The following TM9SF2 variants were observed in gnomAD, a reference collection of about 807,000 sequenced individuals.
TM9SF2 encodes the protein transmembrane 9 superfamily member 2.
In TM9SF2, 13 loss-of-function variants were observed where a neutral mutation model predicts 84.9. The ratio of observed to expected loss-of-function variants is 0.15; its 90% confidence interval spans 0.10 to 0.24. The LOEUF (loss-of-function observed/expected upper bound fraction) is 0.24. TM9SF2 is among the 10% of genes least tolerant of loss of function. The pLI, the probability that TM9SF2 is intolerant of heterozygous loss-of-function variation, is 1.00. For missense variants in TM9SF2, 562 were observed against 818.5 expected, an observed-to-expected ratio of 0.69 and a Z score of 3.82; for synonymous variants, 273 against 285.8, an observed-to-expected ratio of 0.96 and a Z score of 0.45.
chr13:99,513,218 A>C (rs776092425), intron 1 of TM9SF2, among the ~76,000 whole-genome samples: 3 of 152,236 alleles, frequency 2.0e-5, no homozygotes, highest in Non-Finnish European at 2.9e-5. Flanking sequence ...TGAAACTTTA[A>C]CATGTAAATC....
rs2046248981 is a variant in TM9SF2 at position 99,539,457 on chromosome 13, C to G, written c.728C>G (p.Thr243Ser). ...AKLEPKSFKH[T>S]HIDKPDCSGP... ...GTTTCTTCCCACAGCTTCAAACATA[C>G]CCATATAGATAAACCAGACTGCTCA... is the stretch of plus-strand genomic sequence containing the variant. The change falls in exon 7 of 17, where the codon ACC becomes AGC. Residue 243 changes from threonine (T) to serine (S), a missense_variant. Around this residue, in one of 4 missense-constraint regions of TM9SF2, gnomAD observed 267 missense variants for 316.7 expected, o/e 0.84. Coordinates refer to ENST00000376387, the MANE Select transcript of TM9SF2 (RefSeq NM_004800.3). The G allele has an allele frequency of 1.2e-6, 2 of 1,609,476 alleles. No individual in the cohort carries two copies. Among genetic ancestry groups the G allele is most frequent in the Admixed American group, 1.7e-5 (1 of 59,964 alleles).
At chr13:99,506,264 T>G (rs1371888215) in intron 1 of TM9SF2, among the ~76,000 whole-genome samples, 1 of 152,216 alleles carries the variant, frequency 6.6e-6, no homozygotes, top group African/African-American at 2.4e-5. Context: ...TAGAAGTAGT[T>G]TGAAGATTTT....
intron 1 of TM9SF2, among the ~76,000 whole-genome samples, chr13:99,504,081 T>G (rs1191111570): frequency 6.6e-6 from 1 of 152,252 alleles, no homozygotes; most frequent in Non-Finnish European, 1.5e-5. Flanking sequence ...TGAAATACAC[T>G]TTAATATTTA....
At chr13:99,521,658 A>C (rs953943985) in intron 3 of TM9SF2, among the ~76,000 whole-genome samples, 3 of 152,138 alleles carry the variant, frequency 2.0e-5, no homozygotes, top group Non-Finnish European at 4.4e-5. Flanking sequence ...ATCCACTACA[A>C]GTTGATTGGT....
chr13:99,556,015 C>T (rs949220611), intron 15 of TM9SF2, among the ~76,000 whole-genome samples: 1 of 151,748 alleles, frequency 6.6e-6, no homozygotes, highest in African/African-American at 2.4e-5. Context: ...AAATTTTAGA[C>T]TGAAAATTTA....
intron 3 of TM9SF2, among the ~76,000 whole-genome samples, chr13:99,525,852 G>A (rs1181213270): frequency 1.3e-5 from 2 of 152,202 alleles, no homozygotes; most frequent in African/African-American, 4.8e-5. Flanking sequence ...ACCGCGCCCG[G>A]CCAGGAGGAC....
intron 4 of TM9SF2, among the ~76,000 whole-genome samples, chr13:99,530,710 C>T (rs1372012330): frequency 2.0e-5 from 3 of 152,114 alleles, no homozygotes; most frequent in South Asian, 2.1e-4. Context: ...TCAAATAAAA[C>T]GCTTACATTT....
intron 15 of TM9SF2, among the ~76,000 whole-genome samples, chr13:99,557,864 C>G (rs1445403357): frequency 6.6e-6 from 1 of 150,470 alleles, no homozygotes; most frequent in Non-Finnish European, 1.5e-5. Flanking sequence ...ACCCTGTCTC[C>G]TACCCCACCC....
At chr13:99,562,560 T>C (rs758567581) in intron 16 of TM9SF2, 131 bp from the exon 17 acceptor site, 31 of 716,760 alleles carry the variant, frequency 4.3e-5, no homozygotes, top group South Asian at 1.3e-4. Flanking sequence ...AGATCTGTAG[T>C]ATATTCCCGG....
chr13:99,525,928 A>T (rs1295819899), intron 3 of TM9SF2, among the ~76,000 whole-genome samples: 1 of 152,130 alleles, frequency 6.6e-6, no homozygotes, highest in African/African-American at 2.4e-5. Flanking sequence ...GGGAAAAGTG[A>T]TGATTTAGGA....
intron 7 of TM9SF2, among the ~76,000 whole-genome samples, chr13:99,539,983 C>G (rs540434273): frequency 9.0e-4 from 137 of 152,290 alleles, no homozygotes; most frequent in Non-Finnish European, 1.3e-3. Flanking sequence ...AACGAAGTTT[C>G]TTAAAATGCA....
intron 3 of TM9SF2, 66 bp downstream of exon 3, chr13:99,520,195 C>T (rs2046153359): frequency 5.2e-6 from 7 of 1,350,242 alleles, no homozygotes; most frequent in Non-Finnish European, 7.2e-6. Flanking sequence ...TTAAGAAAAG[C>T]CTGAGATAAC....
chr13:99,534,463 TA>T (rs1246455525), intron 4 of TM9SF2, among the ~76,000 whole-genome samples: 8 of 152,156 alleles, frequency 5.3e-5, no homozygotes, highest in Non-Finnish European at 1.2e-4. Flanking sequence ...TTCACTCTAT[TA>T]AATCTTGCAA....
intron 1 of TM9SF2, among the ~76,000 whole-genome samples, chr13:99,503,709 CAAAAAAAAAAAAAA>C (rs386380419): frequency 2.1e-3 from 162 of 78,508 alleles, no homozygotes; most frequent in Non-Finnish European, 2.3e-3. Context: ...GACTTTGTCT[CAAAAAAAAAAAAAA>C]AAAAAAAAAG....
At position 99,555,525 on chromosome 13, in the gene TM9SF2, T is replaced by C; in HGVS notation, c.1641-11T>C. 1 of 1,584,660 alleles carries C rather than the reference T, an allele frequency of 6.3e-7. No individual in the cohort carries two copies. The highest frequency in any genetic ancestry group is 8.7e-7 in the Non-Finnish European group (1 of 1,154,130). On this transcript the variant is annotated splice_polypyrimidine_tract_variant and intron_variant, in intron 14 of 16. Transcript: ENST00000376387. ...ATATTTATAGTTCCTTCTTGACGTG[T>C]TTGATTATAGGTCACACCAGATGTA... is the stretch of plus-strand genomic sequence containing the variant.
chr13:99,535,488 A>G (rs17656658), intron 4 of TM9SF2, among the ~76,000 whole-genome samples: 14,738 of 152,266 alleles, frequency 0.097, 852 homozygotes, highest in East Asian at 0.21. Context: ...TTTATTCTAT[A>G]TAACAATGCG....
intron 1 of TM9SF2, among the ~76,000 whole-genome samples, chr13:99,506,708 G>C (rs896526988): frequency 1.3e-5 from 2 of 152,106 alleles, no homozygotes; most frequent in African/African-American, 4.8e-5. Context: ...GTGTAAACTG[G>C]AACGTCTGAA....
chr13:99,516,098 A>G (rs1324380058), intron 1 of TM9SF2, among the ~76,000 whole-genome samples: 2 of 152,146 alleles, frequency 1.3e-5, no homozygotes, highest in African/African-American at 2.4e-5. Flanking sequence ...CATTTGACCC[A>G]TGTGGTCAAA....
In TM9SF2 at chr13:99,563,905, C is replaced by T. The variant is rs1414997461; in HGVS notation, c.*1147C>T. ...TGGGGGGTGATTCTGAAGTATCGGTCTGCTTGTATCTGTGAGCATATTCAT... is the reference window on the plus strand; with the variant it reads ...TGGGGGGTGATTCTGAAGTATCGGTTTGCTTGTATCTGTGAGCATATTCAT... On this transcript the variant is annotated 3_prime_UTR_variant, in exon 17 of 17. Transcript: ENST00000376387. 6.6e-6 allele frequency: 1 copy of T among 152,182 alleles called. No individual in the cohort carries two copies. Among genetic ancestry groups the T allele is most frequent in the Non-Finnish European group, 1.5e-5 (1 of 68,034 alleles). 9.4% of individuals were successfully genotyped at this position (152,182 alleles called of 1,614,324 possible). A position where few individuals can be genotyped will look rare whatever the true frequency, so the allele number is the denominator to read the frequency against.
Sources: allele counts gnomAD v4.1 joint callset (sites outside exome capture counted in the v4.1 genomes callset), GRCh38; gene constraint gnomAD v4.1.1; regional missense constraint gnomAD v4.1.1; transcripts MANE v1.5; gene names NCBI Gene and HGNC (gene_info 2026-07-23, HGNC 2026-07-21).